Variants in NEK1 observed in about 807,000 individuals in gnomAD.
NEK1 encodes serine/threonine-protein kinase Nek1.
NEK1 carries 137 observed loss-of-function variants against 182.1 expected under a neutral mutation model. The observed-to-expected ratio is 0.75, with a 90% confidence interval of 0.65 to 0.87. The LOEUF (loss-of-function observed/expected upper bound fraction) is 0.87, where lower values mean the gene tolerates loss of function less well. Among genes scored for constraint, NEK1 ranks in the 40% least tolerant of loss-of-function variants. The pLI, the probability that NEK1 is intolerant of heterozygous loss-of-function variation, is 0.00. For missense variants in NEK1, 1,391 were observed against 1,494.4 expected (o/e 0.93, Z 1.14); for synonymous variants, 513 against 492.2 (o/e 1.04, Z -0.56).
At chr4:169,579,102 C>A (rs1211776970) in intron 11 of NEK1, among the ~76,000 whole-genome samples, 2 of 152,110 alleles carry the variant, frequency 1.3e-5, no homozygotes, top group African/African-American at 4.8e-5. Flanking sequence ...CATCTACTTT[C>A]CAGAGAAAAG....
intron 2 of NEK1, among the ~76,000 whole-genome samples, chr4:169,609,306 TA>T (rs1271645127): frequency 6.6e-6 from 1 of 152,098 alleles, no homozygotes; most frequent in Non-Finnish European, 1.5e-5. Context: ...CTACCAAAAT[TA>T]TAAGGGGACA....
At chr4:169,609,595 G>A (rs1329340247) in intron 2 of NEK1, among the ~76,000 whole-genome samples, 5 of 151,942 alleles carry the variant, frequency 3.3e-5, no homozygotes, top group African/African-American at 1.2e-4. Flanking sequence ...ACTCATATAT[G>A]TGTATAAATA....
chr4:169,544,077 T>C (rs1193554460), intron 18 of NEK1, among the ~76,000 whole-genome samples: 2 of 152,220 alleles, frequency 1.3e-5, no homozygotes, highest in Admixed American at 1.3e-4. Flanking sequence ...TCAAAGGGAA[T>C]GCTTCAGTTT....
intron 19 of NEK1, among the ~76,000 whole-genome samples, chr4:169,530,083 T>C (rs1757442131): frequency 6.6e-6 from 1 of 152,220 alleles, no homozygotes; most frequent in South Asian, 2.1e-4. Context: ...ACAGCTCTAT[T>C]CATAATTACC....
At chr4:169,593,394 CAA>C (rs1447317305) in intron 5 of NEK1, among the ~76,000 whole-genome samples, 1 of 152,142 alleles carries the variant, frequency 6.6e-6, no homozygotes, top group African/African-American at 2.4e-5. Flanking sequence ...TGATCCATAT[CAA>C]AGACTACTGG....
At position 169,431,874 on chromosome 4, in the gene NEK1, TATG is replaced by T. The variant is rs528320487; in HGVS notation, c.2885+1668_2885+1670del. Among the ~76,000 whole-genome samples the T allele has an allele frequency of 3.5e-3, 530 of 151,484 alleles. 3 individuals carry two copies. In the Middle Eastern group the frequency reaches 0.044, roughly 13 times the overall value. ...GAGTAACTATCAAAGCTCAGATAAA[TATG>T]ATAACAATAAAAGATAAACAAAAAT... is the stretch of plus-strand genomic sequence containing the variant. On this transcript the variant is annotated intron_variant, in intron 29 of 35. Coordinates refer to ENST00000507142, the MANE Select transcript of NEK1 (RefSeq NM_001199397.3).
At chr4:169,402,350 A>G (rs1731835085) in intron 32 of NEK1, among the ~76,000 whole-genome samples, 1 of 152,222 alleles carries the variant, frequency 6.6e-6, no homozygotes, top group Non-Finnish European at 1.5e-5. Flanking sequence ...TGGGCATTTG[A>G]ACTTTTAGAA....
chr4:169,529,931 A>AG (rs1342152346), intron 19 of NEK1, among the ~76,000 whole-genome samples: 2 of 152,206 alleles, frequency 1.3e-5, no homozygotes, highest in Admixed American at 6.5e-5. Context: ...CTGGAATTCG[A>AG]GTACAATGCT....
intron 7 of NEK1, among the ~76,000 whole-genome samples, chr4:169,589,045 C>A (rs1041838432): frequency 2.0e-5 from 3 of 152,194 alleles, no homozygotes; most frequent in African/African-American, 7.2e-5. Flanking sequence ...TCCAGTCCAG[C>A]AAGCTCCATT....
chr4:169,431,578 T>C (rs1737446955), intron 29 of NEK1, among the ~76,000 whole-genome samples: 2 of 151,868 alleles, frequency 1.3e-5, no homozygotes, highest in African/African-American at 4.8e-5. Flanking sequence ...CATGATAAAT[T>C]CCACAGATTT....
chr4:169,589,978 A>G (rs754997799), intron 6 of NEK1, among the ~76,000 whole-genome samples: 16 of 152,150 alleles, frequency 1.1e-4, no homozygotes, highest in African/African-American at 3.4e-4. Context: ...TAACTCAACA[A>G]TAACAACAAA....
In NEK1 at chr4:169,433,571, A is replaced by G; in HGVS notation, c.2859T>C (p.Ser953=). ...GAGTTTCCTTTGTTTCTTTTTCCTC[A>G]CTAATCCACACATCAGTAATAGTGC... ...LPCTITDVWI[S]EEKETKETQS... Residue 953 remains serine (S), a synonymous_variant, in exon 29 of 36, where the codon AGT becomes AGC. Transcript: ENST00000507142. 1 of 1,610,990 alleles carries G rather than the reference A, an allele frequency of 6.2e-7. No individual in the cohort carries two copies. The highest frequency in any genetic ancestry group is 8.5e-7 in the Non-Finnish European group (1 of 1,179,020).
Position 169,508,348 on chromosome 4 carries a change from ACC to A in NEK1, c.1750-19_1750-18del. 6.5e-7 allele frequency: 1 copy of A among 1,536,970 alleles called. No homozygotes were observed. Among genetic ancestry groups the A allele is most frequent in the Non-Finnish European group, 8.8e-7 (1 of 1,142,212 alleles). ...CAGATAAACCTACAAGGAGGCAAAAACCCCAACATAATAATGTAAAAGCAAAG... is the reference window on the plus strand; with the variant it reads ...CAGATAAACCTACAAGGAGGCAAAAACCAACATAATAATGTAAAAGCAAAG... On this transcript the variant is annotated intron_variant, in intron 20 of 35. Transcript: ENST00000507142.
chr4:169,416,836 T>C (rs377113080), intron 31 of NEK1, among the ~76,000 whole-genome samples: 2 of 152,086 alleles, frequency 1.3e-5, no homozygotes, highest in African/African-American at 2.4e-5. Context: ...GCCCAGGAGG[T>C]TGAGGCTGCA....
At chr4:169,412,350 T>C (rs1281456955) in intron 31 of NEK1, among the ~76,000 whole-genome samples, 1 of 152,210 alleles carries the variant, frequency 6.6e-6, no homozygotes, top group Non-Finnish European at 1.5e-5. Context: ...CTGTCCTACC[T>C]TTGTTTCTTC....
intron 12 of NEK1, among the ~76,000 whole-genome samples, chr4:169,569,614 G>C (rs1217725696): frequency 1.3e-5 from 2 of 152,064 alleles, no homozygotes; most frequent in African/African-American, 4.8e-5. Flanking sequence ...GCCTCAGCCT[G>C]CCGAGTGCCT....
At chr4:169,544,214 A>T (rs1253350003) in intron 18 of NEK1, among the ~76,000 whole-genome samples, 1 of 152,138 alleles carries the variant, frequency 6.6e-6, no homozygotes, top group South Asian at 2.1e-4. Flanking sequence ...TTCTGCATCT[A>T]TTGAGATAAT....
intron 8 of NEK1, 45 bp from the exon 9 acceptor site, chr4:169,587,658 T>G (rs1355970666): frequency 8.0e-7 from 1 of 1,242,968 alleles, no homozygotes; most frequent in Non-Finnish European, 1.1e-6. Context: ...TATTTCAAAT[T>G]TTTTCATTTA....
At chr4:169,439,746 A>C (rs1363224659) in intron 27 of NEK1, among the ~76,000 whole-genome samples, 1 of 152,162 alleles carries the variant, frequency 6.6e-6, no homozygotes, top group Non-Finnish European at 1.5e-5. Context: ...AGAAAGCTTA[A>C]TAGATTTAGT....
Sources: gnomAD v4.1 joint callset for allele counts (sites outside exome capture counted in the v4.1 genomes callset) on GRCh38, gnomAD v4.1.1 for gene constraint, MANE v1.5 for transcripts, NCBI Gene and HGNC (gene_info 2026-07-23, HGNC 2026-07-21) for gene names.